Variants in NLRP12 observed in about 807,000 individuals in gnomAD.
The protein encoded by NLRP12 is NLR family pyrin domain containing 12, also known as NACHT, LRR and PYD domains-containing protein 12.
A neutral mutation model predicts 91.2 loss-of-function variants in NLRP12; 108 were observed. The ratio of observed to expected loss-of-function variants is 1.18; its 90% CI spans 1.01 to 1.39. NLRP12 has a LOEUF of 1.39. NLRP12 is among the 40% of genes most tolerant of loss of function. The pLI, the probability that NLRP12 is intolerant of heterozygous loss-of-function variation, is 0.00. For missense variants in NLRP12, 1,530 were observed against 1,352.7 expected (o/e 1.13, Z -2.06); for synonymous variants, 613 against 566.7 (o/e 1.08, Z -1.16).
At position 53,809,224 on chromosome 19, in the gene NLRP12, TAAAAAAAA is replaced by T. The variant is rs3973673; in HGVS notation, c.2072+355_2072+362del. ...CTAGGAGACCAAGAGAGACTTAGTTTAAAAAAAAAAAAAAAAAAAAATCGTGGGCCGGG... is the reference window on the plus strand; with the variant it reads ...CTAGGAGACCAAGAGAGACTTAGTTTAAAAAAAAAAAAATCGTGGGCCGGG... On this transcript the variant is annotated intron_variant, in intron 3 of 9. Transcript: ENST00000324134. Among the ~76,000 whole-genome samples the T allele has an allele frequency of 4.3e-3, 570 of 133,662 alleles. 3 individuals carry two copies. Among genetic ancestry groups the T allele is most frequent in the African/African-American group, 0.014 (488 of 34,812 alleles). 87.7% of individuals were successfully genotyped at this position (133,662 alleles called of 152,430 possible).
At chr19:53,798,189 C>T (rs1315115507) in intron 8 of NLRP12, 54 bp downstream of exon 8, 23 of 1,576,388 alleles carry the variant, frequency 1.5e-5, no homozygotes, top group South Asian at 2.2e-5. Flanking sequence ...GATGAGAAGG[C>T]GCTTCCACTG....
In NLRP12 at chr19:53,807,512, G is replaced by A; in HGVS notation, c.2226C>T (p.Cys742=). ...GCACTCACCTCAGGTTCTGAAGTTT[G>A]CAGTTGGGGTGTCTGAGTCCTTGAC... The part of the protein sequence containing the change: ...LLCQGLRHPN[C]KLQNLRLKRC... Residue 742 remains cysteine, a synonymous_variant, in exon 4 of 10, where the codon TGC becomes TGT. Transcript: ENST00000324134. 1 of 1,614,032 alleles carries A rather than the reference G, an allele frequency of 6.2e-7. No individual in the cohort carries two copies. Among genetic ancestry groups the A allele is most frequent in the South Asian group, 1.1e-5 (1 of 91,058 alleles).
chr19:53,814,817 C>T lies in NLRP12; in HGVS notation c.370+91G>A. 3.0e-6 allele frequency: 3 copies of T among 1,007,800 alleles called. No individual in the cohort carries two copies. In the South Asian group the frequency reaches 3.8e-5, roughly 13 times the overall value. 62.4% of individuals were successfully genotyped at this position (1,007,800 alleles called of 1,614,324 possible). On this transcript the variant is annotated intron_variant, in intron 2 of 9. Transcript: ENST00000324134. ...GTGTCATTAATCCACCCCACGAATT[C>T]CTCAATCACGCGTTTGTGGTTGGCC... is the stretch of plus-strand genomic sequence containing the variant.
intron 7 of NLRP12, 22 bp from the exon 8 acceptor site, chr19:53,798,435 G>A: frequency 6.2e-7 from 1 of 1,610,596 alleles, no homozygotes; most frequent in South Asian, 1.1e-5. Context: ...GGATGCTAGG[G>A]CGGAGTGGGA....
Position 53,796,042 on chromosome 19 carries a change from AG to A in NLRP12, c.2928-14del, listed in dbSNP as rs1478085976. On this transcript the variant is annotated splice_polypyrimidine_tract_variant and intron_variant, in intron 8 of 9. Transcript: ENST00000324134. ...ACAGCTATCCAGCCTGGTGAAGATA[AG>A]GAGTTGGTTAAGGTAACACCAGGGG... 1 of 1,613,718 alleles carries A rather than the reference AG, an allele frequency of 6.2e-7. No individual in the cohort carries two copies. Among genetic ancestry groups the A allele is most frequent in the Non-Finnish European group, 8.5e-7 (1 of 1,179,774 alleles).
At position 53,809,699 on chromosome 19, in the gene NLRP12, G is replaced by C. The variant is rs747078591; in HGVS notation, c.1960C>G (p.Leu654Val). 1.2e-5 allele frequency: 20 copies of C among 1,614,002 alleles called. No individual in the cohort carries two copies. The highest frequency in any genetic ancestry group is 4.5e-5 in the East Asian group (2 of 44,872). ...KMEHMVSSFC[L>V]KRCRSAQVLH... ...ACCTGGGCGCTCCTGCAGCGCTTCA[G>C]ACAGAACGAGGAGACCATGTGCTCC... is the stretch of plus-strand genomic sequence containing the variant. The change falls in exon 3 of 10, where the codon CTG (leucine) becomes GTG (valine). Residue 654 changes from leucine (L) to valine (V), a missense_variant. By Grantham distance (32) the Leu-to-Val change is conservative. Transcript: ENST00000324134.
intron 6 of NLRP12, among the ~76,000 whole-genome samples, chr19:53,801,754 C>T (rs1178824974): frequency 6.6e-6 from 1 of 151,782 alleles, no homozygotes; most frequent in Non-Finnish European, 1.5e-5. Flanking sequence ...TGCGCCTAGG[C>T]CCCCAATCTT....
At chr19:53,797,277 AC>A (rs1174632318) in intron 8 of NLRP12, among the ~76,000 whole-genome samples, 1 of 152,006 alleles carries the variant, frequency 6.6e-6, no homozygotes, top group Non-Finnish European at 1.5e-5. Context: ...GATTACAGAC[AC>A]CCACCACCAC....
intron 1 of NLRP12, among the ~76,000 whole-genome samples, chr19:53,817,165 G>A (rs917823654): frequency 2.0e-5 from 3 of 151,516 alleles, no homozygotes; most frequent in Non-Finnish European, 2.9e-5. Context: ...ATGGTGGCAG[G>A]CACCTGTAGT....
intron 1 of NLRP12, 36 bp from the exon 2 acceptor site, chr19:53,815,024 A>T (rs566301473): frequency 6.7e-7 from 1 of 1,496,664 alleles, no homozygotes; most frequent in South Asian, 1.1e-5. Context: ...GCTAGCACGC[A>T]TCTGGCTAGT....
At chr19:53,819,453 A>ATGTGTGTGTG (rs1199379245) in intron 1 of NLRP12, among the ~76,000 whole-genome samples, 8 of 7,626 alleles carry the variant, frequency 1.0e-3, no homozygotes, top group Non-Finnish European at 1.8e-3. Flanking sequence ...ATATATATAT[A>ATGTGTGTGTG]TATATGTGTG....
In NLRP12 at chr19:53,805,337, C is replaced by A. The variant is rs2091940490; in HGVS notation, c.2357G>T (p.Gly786Val). 2 of 1,613,950 alleles carry A rather than the reference C, an allele frequency of 1.2e-6. No homozygotes were observed. Among genetic ancestry groups the A allele is most frequent in the Non-Finnish European group, 1.7e-6 (2 of 1,180,024 alleles). Residue 786 changes from glycine to valine, a missense_variant, in exon 5 of 10, where the codon GGC (glycine) becomes GTC (valine). Coordinates refer to ENST00000324134, the MANE Select transcript of NLRP12 (RefSeq NM_144687.4). ...DLSGNGVGFP[G>V]MMLLCEGLRH... The stretch of plus-strand genomic sequence containing the variant: ...CAGGCCCTCGCAAAGCAGCATCATG[C>A]CTGGGAATCCAACGCCGTTGCCACT...
intron 2 of NLRP12, among the ~76,000 whole-genome samples, chr19:53,812,290 C>T (rs927181317): frequency 1.3e-5 from 2 of 151,604 alleles, no homozygotes; most frequent in African/African-American, 2.4e-5. Context: ...AACTTTAAGA[C>T]GCATACATAT....
chr19:53,804,547 T>TA (rs1222195771), intron 5 of NLRP12, among the ~76,000 whole-genome samples: 1 of 151,234 alleles, frequency 6.6e-6, no homozygotes, highest in Non-Finnish European at 1.5e-5. Context: ...CAGGCTGGGC[T>TA]ACAGGTGTGT....
chr19:53,807,566 G>C lies in NLRP12; in HGVS notation c.2172C>G (p.Ala724=), dbSNP rs368307356. The change falls in exon 4 of 10, where the codon GCC becomes GCG. Residue 724 remains alanine (A), a synonymous_variant. Coordinates refer to ENST00000324134, the MANE Select transcript of NLRP12 (RefSeq NM_144687.4). ...NLIELSLYRN[A]LGSRGVKLLC... is the part of the protein sequence containing the mutation. ...GCAGCTTCACCCCCCGGCTGCCCAG[G>C]GCATTTCGGTACAGAGACAGCTCTA... 1.8e-5 allele frequency: 29 copies of C among 1,613,960 alleles called. No individual in the cohort carries two copies. The South Asian group carries it at 2.9e-4, about 16-fold the overall frequency.
In NLRP12 at chr19:53,811,300, G is replaced by A. The variant is rs201180993; in HGVS notation, c.371-12C>T. On this transcript the variant is annotated splice_polypyrimidine_tract_variant and intron_variant, in intron 2 of 9. Transcript: ENST00000324134. ...GGTTTCCTGGGGATCTAGGGGAGAG[G>A]AATGAAGGTTTTGTGGAAGACTCAT... is the stretch of plus-strand genomic sequence containing the variant. The A allele has an allele frequency of 1.2e-6, 2 of 1,613,508 alleles. No homozygotes were observed. The highest frequency in any genetic ancestry group is 1.3e-5 in the African/African-American group (1 of 75,010).
intron 3 of NLRP12, chr19:53,807,878 G>C: frequency 3.7e-6 from 2 of 547,122 alleles, no homozygotes; most frequent in Non-Finnish European, 3.4e-6. Flanking sequence ...AGCCTCCAGA[G>C]TAGCTGGGAT....
At chr19:53,820,814 A>G (rs1425576780) in intron 1 of NLRP12, among the ~76,000 whole-genome samples, 1 of 150,148 alleles carries the variant, frequency 6.7e-6, no homozygotes, top group Non-Finnish European at 1.5e-5. Flanking sequence ...CAGCCTCCTG[A>G]GTAGCTGGGA....
intron 1 of NLRP12, among the ~76,000 whole-genome samples, chr19:53,816,681 AGGT>A (rs2122728598): frequency 6.6e-6 from 1 of 151,938 alleles, no homozygotes; most frequent in Admixed American, 6.6e-5. Context: ...ATGACCACGC[AGGT>A]GGTGGTAAAA....
Sources: allele counts gnomAD v4.1 joint callset (sites outside exome capture counted in the v4.1 genomes callset), GRCh38; gene constraint gnomAD v4.1.1; transcripts MANE v1.5; gene names NCBI Gene and HGNC (gene_info 2026-07-23, HGNC 2026-07-21).